WWP1: variants seen among roughly 807,000 people sequenced by gnomAD.
The protein encoded by WWP1 is NEDD4-like E3 ubiquitin-protein ligase WWP1.
In WWP1, 49 loss-of-function variants were observed where a neutral mutation model predicts 130.6. That is an observed-to-expected ratio of 0.38 (90% CI 0.30 to 0.48). The LOEUF (loss-of-function observed/expected upper bound fraction) is 0.48. Among genes scored for constraint, WWP1 ranks in the 20% least tolerant of loss-of-function variants. The pLI is 0.99. For missense variants in WWP1, 809 were observed against 1,100.6 expected (o/e 0.74, Z 3.75); for synonymous variants, 332 against 367.8 (o/e 0.90, Z 1.11).
intron 1 of WWP1, among the ~76,000 whole-genome samples, chr8:86,347,973 A>G (rs1375722893): frequency 6.6e-6 from 1 of 152,164 alleles, no homozygotes; most frequent in East Asian, 1.9e-4. Flanking sequence ...GATTAGGGAT[A>G]CTCAACCTGT....
chr8:86,346,942 G>C (rs990305157), intron 1 of WWP1, among the ~76,000 whole-genome samples: 1 of 152,036 alleles, frequency 6.6e-6, no homozygotes, highest in South Asian at 2.1e-4. Flanking sequence ...TTATCATTTG[G>C]TTCTCATGAC....
rs1202221855 is a variant in WWP1, at chr8:86,342,856, T to G, written c.-189T>G. On this transcript the variant is annotated 5_prime_UTR_variant, in exon 1 of 25. An upstream open reading frame in the 5' UTR loses its in-frame stop. Transcript: ENST00000517970. ...GATGGCGATCTTGGGCGCGGAAGGG[T>G]GAGGGCGCCCGCCGCAGGAGGAGGT... 2.0e-5 allele frequency: 7 copies of G among 356,236 alleles called. No individual in the cohort carries two copies. Among genetic ancestry groups the G allele is most frequent in the Non-Finnish European group, 5.0e-6 (1 of 200,638 alleles). 22.1% of individuals were successfully genotyped at this position (356,236 alleles called of 1,614,324 possible). A position where few individuals can be genotyped will look rare whatever the true frequency, so the allele number is the denominator to read the frequency against.
chr8:86,427,747 A>C lies in WWP1; in HGVS notation c.1262A>C (p.Glu421Ala). The C allele has an allele frequency of 6.2e-7, 1 of 1,614,050 alleles. No homozygotes were observed. The highest frequency in any genetic ancestry group is 8.5e-7 in the Non-Finnish European group (1 of 1,179,970). Residue 421 changes from glutamate (E) to alanine (A), a missense_variant, in exon 11 of 25, where the codon GAA becomes GCA. By Grantham distance (107) the Glu-to-Ala change is moderately radical. This residue lies in a region of WWP1 where 450 missense variants were observed against 674.2 expected (regional missense o/e 0.67). Transcript: ENST00000517970. ...RPTMESVRNF[E>A]QWQSQRNQLQ... Reference sequence around the variant, plus strand: ...ACCATGGAATCTGTCCGAAATTTTGAACAGTGGCAATCTCAGCGGAACCAA... The same window carrying C: ...ACCATGGAATCTGTCCGAAATTTTGCACAGTGGCAATCTCAGCGGAACCAA...
chr8:86,464,231 C>T (rs1403390642), intron 24 of WWP1, among the ~76,000 whole-genome samples: 1 of 152,072 alleles, frequency 6.6e-6, no homozygotes, highest in Admixed American at 6.5e-5. Flanking sequence ...GAGTAATCTC[C>T]ATTTCTAACT....
At chr8:86,423,611 T>C (rs1313080349) in intron 9 of WWP1, among the ~76,000 whole-genome samples, 2 of 150,504 alleles carry the variant, frequency 1.3e-5, no homozygotes, top group East Asian at 2.0e-4. Context: ...TGGAGTCTCC[T>C]ATGTCTACTT....
At chr8:86,385,423 C>G (rs1182556216) in intron 5 of WWP1, among the ~76,000 whole-genome samples, 1 of 151,942 alleles carries the variant, frequency 6.6e-6, no homozygotes, top group African/African-American at 2.4e-5. Flanking sequence ...GAAAGACAAT[C>G]TAGCTCTTCA....
At chr8:86,349,697 C>T (rs1334814831) in intron 1 of WWP1, among the ~76,000 whole-genome samples, 1 of 152,014 alleles carries the variant, frequency 6.6e-6, no homozygotes. Flanking sequence ...AAGAGGAGAA[C>T]ATTTGTGGCC....
intron 1 of WWP1, among the ~76,000 whole-genome samples, chr8:86,362,291 T>C (rs1334632437): frequency 6.8e-6 from 1 of 147,938 alleles, no homozygotes; most frequent in African/African-American, 2.5e-5. Flanking sequence ...ACATGGTAAA[T>C]TGATATACTA....
rs555585296 is a variant in WWP1 at position 86,370,855 on chromosome 8, C to CTTTTTTTTTTTTTTTTTTTT, written c.-22+1833_-22+1852dup. The stretch of plus-strand genomic sequence containing the variant: ...GGTATTGCTTATAGCTATATTCATT[C>CTTTTTTTTTTTTTTTTTTTT]TTTTTTTTTTTTTTTTTTTTTTTTT... On this transcript the variant is annotated intron_variant, in intron 2 of 24. Transcript: ENST00000517970. Among the ~76,000 whole-genome samples the CTTTTTTTTTTTTTTTTTTTT allele has an allele frequency of 8.9e-5, 4 of 44,862 alleles. 1 individual carries two copies. The highest frequency in any genetic ancestry group is 2.1e-4 in the African/African-American group (2 of 9,634). The allele number at this position is 44,862 out of a possible 152,430, so 29.4% of individuals were successfully genotyped here. A position where few individuals can be genotyped will look rare whatever the true frequency, so the allele number is the denominator to read the frequency against.
At chr8:86,427,298 GATGAT>G (rs1381583170) in intron 10 of WWP1, among the ~76,000 whole-genome samples, 1 of 152,050 alleles carries the variant, frequency 6.6e-6, no homozygotes, top group Non-Finnish European at 1.5e-5. Flanking sequence ...TTAAAACCTA[GATGAT>G]GTGTTGATAG....
chr8:86,443,793 C>G (rs1810718400), intron 18 of WWP1, among the ~76,000 whole-genome samples: 1 of 152,110 alleles, frequency 6.6e-6, no homozygotes, highest in Non-Finnish European at 1.5e-5. Flanking sequence ...ATCTTGGAGA[C>G]TATTCTAGGC....
chr8:86,386,389 T>C (rs1825288692), intron 5 of WWP1, among the ~76,000 whole-genome samples: 1 of 150,046 alleles, frequency 6.7e-6, no homozygotes, highest in Admixed American at 6.8e-5. Flanking sequence ...TGCTGTACCC[T>C]AGCCTGAGTA....
chr8:86,396,338 A>C (rs1220823206), intron 5 of WWP1, among the ~76,000 whole-genome samples: 1 of 152,032 alleles, frequency 6.6e-6, no homozygotes, highest in South Asian at 2.1e-4. Flanking sequence ...AGATCTTGTG[A>C]TCCGCCCGCC....
chr8:86,422,123 T>C (rs912632677), intron 9 of WWP1, among the ~76,000 whole-genome samples: 3 of 152,070 alleles, frequency 2.0e-5, no homozygotes, highest in African/African-American at 7.2e-5. Flanking sequence ...TGAAACTGAT[T>C]TATCACAAAA....
At chr8:86,447,744 G>C (rs889662584) in intron 18 of WWP1, among the ~76,000 whole-genome samples, 3 of 152,160 alleles carry the variant, frequency 2.0e-5, no homozygotes, top group Non-Finnish European at 4.4e-5. Flanking sequence ...AGGCACGATG[G>C]GGTTAGTCCT....
intron 9 of WWP1, among the ~76,000 whole-genome samples, chr8:86,422,793 A>G (rs1418433661): frequency 6.6e-6 from 1 of 152,226 alleles, no homozygotes; most frequent in East Asian, 1.9e-4. Flanking sequence ...AGAGTCTTCA[A>G]AATAGAATAG....
At chr8:86,366,697 G>A (rs1219466843) in intron 1 of WWP1, among the ~76,000 whole-genome samples, 1 of 152,140 alleles carries the variant, frequency 6.6e-6, no homozygotes, top group African/African-American at 2.4e-5. Context: ...GGCAGTTAGA[G>A]CCATTACACT....
intron 5 of WWP1, among the ~76,000 whole-genome samples, chr8:86,388,135 T>C (rs1004389589): frequency 3.3e-5 from 5 of 152,114 alleles, no homozygotes; most frequent in Admixed American, 2.0e-4. Context: ...GTGTTTGAAT[T>C]GCAAAATCAG....
chr8:86,392,591 T>C (rs908410651), intron 5 of WWP1, among the ~76,000 whole-genome samples: 2 of 152,206 alleles, frequency 1.3e-5, no homozygotes, highest in African/African-American at 2.4e-5. Context: ...TTATATTGAA[T>C]GGTGGGGAAA....
Sources: gnomAD v4.1 joint callset for allele counts (sites outside exome capture counted in the v4.1 genomes callset) on GRCh38, gnomAD v4.1.1 for gene constraint, gnomAD v4.1.1 regional missense constraint, MANE v1.5 for transcripts, NCBI Gene and HGNC (gene_info 2026-07-23, HGNC 2026-07-21) for gene names.